The following HNF4G variants were observed in gnomAD, a reference collection of about 807,000 sequenced individuals.
The protein encoded by HNF4G is hepatocyte nuclear factor 4 gamma.
HNF4G carries 21 observed loss-of-function variants against 50.9 expected under a neutral mutation model. The ratio of observed to expected loss-of-function variants is 0.41; its 90% confidence interval spans 0.29 to 0.59. HNF4G has a LOEUF of 0.59. HNF4G is among the 20% of genes least tolerant of loss of function. HNF4G has a pLI of 0.26. For missense variants in HNF4G, 527 were observed against 559.4 expected (o/e 0.94, Z 0.58); for synonymous variants, 198 against 185.6 (o/e 1.07, Z -0.54).
chr8:75,554,159 G>A (rs1191961751), intron 5 of HNF4G, among the ~76,000 whole-genome samples: 1 of 152,008 alleles, frequency 6.6e-6, no homozygotes, highest in Non-Finnish European at 1.5e-5. Context: ...TGTGAGTCAC[G>A]AATATTGACA....
chr8:75,527,714 C>T (rs539598373), intron 2 of HNF4G, among the ~76,000 whole-genome samples: 8 of 152,256 alleles, frequency 5.3e-5, no homozygotes, highest in Middle Eastern at 3.4e-3. Context: ...GAAACTGGTG[C>T]ACCATTTAGC....
At chr8:75,560,203 C>G in intron 8 of HNF4G, 141 bp from the exon 9 acceptor site, 1 of 709,098 alleles carries the variant, frequency 1.4e-6, no homozygotes, top group Non-Finnish European at 2.4e-6. Context: ...GCCAGTGGTT[C>G]TGTCAATTTA....
intron 1 of HNF4G, among the ~76,000 whole-genome samples, chr8:75,477,350 A>G (rs1812264047): frequency 6.6e-6 from 1 of 152,188 alleles, no homozygotes; most frequent in South Asian, 2.1e-4. Context: ...GGGGAATGAG[A>G]AATGTTAGAC....
At chr8:75,546,191 G>A (rs780263144) in intron 2 of HNF4G, among the ~76,000 whole-genome samples, 56 of 152,148 alleles carry the variant, frequency 3.7e-4, no homozygotes, top group Admixed American at 6.5e-4. Flanking sequence ...AAATGTTAGC[G>A]TTTACTGTAT....
At chr8:75,448,323 A>T (rs1244203902) in intron 1 of HNF4G, among the ~76,000 whole-genome samples, 1 of 144,288 alleles carries the variant, frequency 6.9e-6, no homozygotes, top group Non-Finnish European at 1.5e-5. Flanking sequence ...TGGGAGATAT[A>T]CCTAAGGCTA....
At chr8:75,451,454 C>T (rs1372628343) in intron 1 of HNF4G, among the ~76,000 whole-genome samples, 1 of 150,370 alleles carries the variant, frequency 6.7e-6, no homozygotes, top group Non-Finnish European at 1.5e-5. Context: ...ATGTTTTCTT[C>T]TGGTAGTTTT....
rs1251667743 is a variant in HNF4G, at chr8:75,522,060, A to C, written c.-23-21751A>C. On this transcript the variant is annotated intron_variant, in intron 2 of 10. Coordinates refer to the HNF4G transcript ENST00000354370. ...TTGGGACACGTTTCCTTTGCAAGTC[A>C]AGGAACATTTGTACTTTGTTATTAG... 2.0e-5 allele frequency among the ~76,000 whole-genome samples: 3 copies of C among 152,240 alleles called. No individual in the cohort carries two copies. In the East Asian group the frequency reaches 5.8e-4, roughly 29 times the overall value.
chr8:75,565,993 T>A lies in HNF4G; in HGVS notation c.*1897T>A, dbSNP rs1807451936. The A allele has an allele frequency of 6.6e-6, 1 of 151,280 alleles. No individual in the cohort carries two copies. The highest frequency in any genetic ancestry group is 2.5e-5 in the African/African-American group (1 of 40,760). 9.4% of individuals were successfully genotyped at this position (151,280 alleles called of 1,614,324 possible). ...TTTTGATTTTGATCATACAAATAAC[T>A]TTTGTAGATTTTTGTTTACTTTTGG... On this transcript the variant is annotated 3_prime_UTR_variant, in exon 10 of 10. Coordinates refer to ENST00000396423, the MANE Select transcript of HNF4G (RefSeq NM_004133.5).
At chr8:75,458,504 A>T (rs997185694) in intron 1 of HNF4G, among the ~76,000 whole-genome samples, 1 of 152,144 alleles carries the variant, frequency 6.6e-6, no homozygotes, top group East Asian at 1.9e-4. Context: ...AAATTTTCAT[A>T]ATATCTACTC....
chr8:75,466,162 G>T (rs1811966141), intron 1 of HNF4G, among the ~76,000 whole-genome samples: 1 of 152,066 alleles, frequency 6.6e-6, no homozygotes, highest in Admixed American at 6.6e-5. Context: ...ACACCACATT[G>T]TCTAACTTCA....
intron 5 of HNF4G, among the ~76,000 whole-genome samples, chr8:75,554,959 G>A (rs941636450): frequency 6.6e-6 from 1 of 152,174 alleles, no homozygotes; most frequent in Non-Finnish European, 1.5e-5. Flanking sequence ...GCATGTCCAA[G>A]GTTCTGAGTC....
intron 1 of HNF4G, chr8:75,408,166 C>A (rs1201607598): frequency 2.6e-5 from 4 of 153,492 alleles, no homozygotes; most frequent in African/African-American, 7.3e-5. Flanking sequence ...GCTGGAGGTG[C>A]GGCAGCGGGC....
At chr8:75,433,401 C>G (rs1451439631) in intron 1 of HNF4G, among the ~76,000 whole-genome samples, 1 of 141,846 alleles carries the variant, frequency 7.0e-6, no homozygotes, top group Admixed American at 7.3e-5. Context: ...GAGTCAGACC[C>G]TGTCTCAGAA....
chr8:75,470,545 AG>A (rs1812090488), intron 1 of HNF4G, among the ~76,000 whole-genome samples: 1 of 152,180 alleles, frequency 6.6e-6, no homozygotes, highest in South Asian at 2.1e-4. Flanking sequence ...CTTGGCAAAT[AG>A]GACACATTTA....
At chr8:75,495,797 T>C (rs1262769756) in intron 2 of HNF4G, among the ~76,000 whole-genome samples, 2 of 152,032 alleles carry the variant, frequency 1.3e-5, no homozygotes, top group East Asian at 3.9e-4. Context: ...CTTGGCACTT[T>C]TAATTTTGTA....
At chr8:75,459,967 A>C (rs985579698) in intron 1 of HNF4G, among the ~76,000 whole-genome samples, 12 of 152,260 alleles carry the variant, frequency 7.9e-5, no homozygotes, top group African/African-American at 2.6e-4. Context: ...TAGAGTGATC[A>C]TAGTTTTCCA....
chr8:75,437,456 C>T (rs1309969665), intron 1 of HNF4G, among the ~76,000 whole-genome samples: 1 of 152,216 alleles, frequency 6.6e-6, no homozygotes, highest in Admixed American at 6.5e-5. Flanking sequence ...TTAGCTATAA[C>T]ACTGAGAAAG....
intron 1 of HNF4G, among the ~76,000 whole-genome samples, chr8:75,465,831 C>G (rs1811956420): frequency 6.6e-6 from 1 of 152,112 alleles, no homozygotes; most frequent in African/African-American, 2.4e-5. Context: ...TCTTGACTAA[C>G]TCAATTCTTT....
At chr8:75,451,636 G>GA (rs1261291691) in intron 1 of HNF4G, among the ~76,000 whole-genome samples, 15 of 152,226 alleles carry the variant, frequency 9.9e-5, no homozygotes, top group Middle Eastern at 3.4e-3. Context: ...CATCTTTAAT[G>GA]AAAATCAATT....
Sources: allele counts gnomAD v4.1 joint callset (sites outside exome capture counted in the v4.1 genomes callset), GRCh38; gene constraint gnomAD v4.1.1; transcripts MANE v1.5; gene names NCBI Gene and HGNC (gene_info 2026-07-23, HGNC 2026-07-21).